Variants in SYNE1 observed in about 807,000 individuals in gnomAD.
The protein encoded by SYNE1 is nesprin-1.
SYNE1 carries 616 observed loss-of-function variants against 1,111.0 expected under a neutral mutation model. The ratio of observed to expected loss-of-function variants is 0.55; its 90% CI spans 0.52 to 0.59. The LOEUF is 0.59. Ranked by LOEUF, SYNE1 falls within the 20% of genes least tolerant of loss-of-function variation. SYNE1 has a pLI of 0.00. For synonymous variants in SYNE1, 3,855 were observed against 3,825.8 expected (o/e 1.01, Z -0.28); for missense variants, 10,006 against 10,417.0 (o/e 0.96, Z 1.72).
intron 54 of SYNE1, 46 bp downstream of exon 54, chr6:152,387,026 G>A (rs1317916707): frequency 6.8e-7 from 1 of 1,467,958 alleles, no homozygotes; most frequent in Non-Finnish European, 9.4e-7. Flanking sequence ...TCAATATATT[G>A]TATTAATGTA....
intron 3 of SYNE1, among the ~76,000 whole-genome samples, chr6:152,582,575 A>T (rs2099524030): frequency 6.6e-6 from 1 of 151,460 alleles, no homozygotes; most frequent in Admixed American, 6.6e-5. Flanking sequence ...TATATAAATA[A>T]ATATATATAT....
intron 56 of SYNE1, among the ~76,000 whole-genome samples, chr6:152,378,127 C>A (rs975382264): frequency 1.3e-5 from 2 of 152,144 alleles, no homozygotes; most frequent in Admixed American, 6.5e-5. Flanking sequence ...GTTCCTAGCA[C>A]ACTAAGTGTC....
intron 59 of SYNE1, among the ~76,000 whole-genome samples, chr6:152,371,280 T>C (rs2097175343): frequency 6.6e-6 from 1 of 151,936 alleles, no homozygotes; most frequent in African/African-American, 2.4e-5. Context: ...GCTGTTCTCA[T>C]GATAGTGAGT....
Position 152,395,561 on chromosome 6 carries a change from T to G in SYNE1, c.7667A>C (p.Glu2556Ala). ...SKQHIPEKKNEVHKVEMFLGE... is the reference protein window; with the variant it reads ...SKQHIPEKKNAVHKVEMFLGE... ...CAAAAACATTTCAACTTTATGAACT[T>G]CATTTTTCTTCTCAGGAATGTGCTG... The change falls in exon 51 of 146, where the codon GAA (glutamate) becomes GCA (alanine). Residue 2556 changes from glutamate to alanine, a missense_variant. Glu to Ala is a moderately radical substitution (Grantham distance 107). Coordinates refer to ENST00000367255, the MANE Select transcript of SYNE1 (RefSeq NM_182961.4). 6.2e-7 allele frequency: 1 copy of G among 1,614,132 alleles called. No homozygotes were observed. Among genetic ancestry groups the G allele is most frequent in the Non-Finnish European group, 8.5e-7 (1 of 1,179,984 alleles).
chr6:152,628,235 T>A, intron 3 of SYNE1, 30 bp downstream of exon 3: 1 of 1,613,346 alleles, frequency 6.2e-7, no homozygotes, highest in Non-Finnish European at 8.5e-7. Context: ...TATTTGAATT[T>A]TTTTAAAACC....
Position 152,369,575 on chromosome 6 carries a change from C to G in SYNE1, c.9547G>C (p.Glu3183Gln). 6.2e-7 allele frequency: 1 copy of G among 1,614,186 alleles called. No homozygotes were observed. The highest frequency in any genetic ancestry group is 8.5e-7 in the Non-Finnish European group (1 of 1,180,028). ...IQMKDFEVSA[E>Q]PIQDWLSKTE... ...TTACTCAGCCAGTCCTGGATAGGCT[C>G]AGCACTTACTTCAAAGTCCTTCATT... The change falls in exon 60 of 146, where the codon GAG becomes CAG. Residue 3183 changes from glutamate to glutamine, a missense_variant. This residue lies in a region of SYNE1 where 4,955 missense variants were observed against 5,017.2 expected (regional missense o/e 0.99). Coordinates refer to ENST00000367255, the MANE Select transcript of SYNE1 (RefSeq NM_182961.4).
At chr6:152,333,340 T>C (rs1360163854) in intron 77 of SYNE1, among the ~76,000 whole-genome samples, 1 of 152,184 alleles carries the variant, frequency 6.6e-6, no homozygotes, top group Non-Finnish European at 1.5e-5. Context: ...CATTACCTTA[T>C]AGACTTGATA....
chr6:152,547,511 C>G (rs112098660), intron 3 of SYNE1, among the ~76,000 whole-genome samples: 4 of 152,138 alleles, frequency 2.6e-5, no homozygotes, highest in Admixed American at 2.6e-4. Flanking sequence ...CTTCTTTTAG[C>G]TGAACATTAT....
chr6:152,136,952 G>A (rs2057227565), intron 140 of SYNE1, 134 bp from the exon 141 acceptor site: 3 of 892,374 alleles, frequency 3.4e-6, no homozygotes, highest in South Asian at 1.4e-5. Context: ...AAAAGACAGA[G>A]GGTGCGTACC....
chr6:152,534,262 T>G (rs957975632), intron 4 of SYNE1, among the ~76,000 whole-genome samples: 7 of 152,084 alleles, frequency 4.6e-5, no homozygotes, highest in African/African-American at 1.7e-4. Flanking sequence ...AATATTAATA[T>G]TAGCAAAATG....
At chr6:152,531,244 A>T (rs914419911) in intron 4 of SYNE1, among the ~76,000 whole-genome samples, 4 of 152,224 alleles carry the variant, frequency 2.6e-5, no homozygotes, top group Non-Finnish European at 5.9e-5. Flanking sequence ...GATCCATGGT[A>T]AGAATAAATC....
intron 109 of SYNE1, among the ~76,000 whole-genome samples, 195 bp from the exon 110 acceptor site, chr6:152,236,498 A>ATT (rs71784634): frequency 6.2e-4 from 92 of 149,390 alleles, no homozygotes; most frequent in Admixed American, 1.2e-3. Context: ...GTTGTTTATT[A>ATT]TTTTTTTTTT....
intron 39 of SYNE1, among the ~76,000 whole-genome samples, chr6:152,425,018 G>A (rs868564815): frequency 7.9e-5 from 12 of 152,258 alleles, no homozygotes; most frequent in Middle Eastern, 6.8e-3. Flanking sequence ...TAGCATATGT[G>A]TATAAAATGC....
intron 108 of SYNE1, among the ~76,000 whole-genome samples, chr6:152,237,893 T>A (rs994909216): frequency 6.6e-6 from 1 of 152,318 alleles, no homozygotes; most frequent in Admixed American, 6.5e-5. Context: ...AGTTTCTCAG[T>A]GTGAGTATGC....
intron 3 of SYNE1, among the ~76,000 whole-genome samples, chr6:152,614,307 C>A (rs1409409193): frequency 3.9e-5 from 6 of 152,078 alleles, no homozygotes; most frequent in Non-Finnish European, 8.8e-5. Context: ...ACAACCCCAT[C>A]AAAAAGTGGG....
intron 123 of SYNE1, 72 bp from the exon 124 acceptor site, chr6:152,211,660 C>T: frequency 1.5e-6 from 2 of 1,346,076 alleles, no homozygotes; most frequent in Non-Finnish European, 2.1e-6. Context: ...GATAACTTTC[C>T]AAATATTCTA....
chr6:152,442,789 T>A (rs1039364323), intron 30 of SYNE1, among the ~76,000 whole-genome samples: 9 of 151,982 alleles, frequency 5.9e-5, no homozygotes, highest in African/African-American at 1.4e-4. Flanking sequence ...TACAAAAATA[T>A]TAAAAAATTA....
intron 128 of SYNE1, chr6:152,185,545 A>G (rs2069604093): frequency 6.6e-6 from 1 of 152,236 alleles, no homozygotes; most frequent in Non-Finnish European, 1.5e-5. Context: ...GATCAAACCC[A>G]TGACTAAACT....
chr6:152,618,866 AG>A (rs1565227277), intron 3 of SYNE1, among the ~76,000 whole-genome samples: 2 of 152,208 alleles, frequency 1.3e-5, no homozygotes, highest in African/African-American at 4.8e-5. Context: ...GTCTATCCTC[AG>A]CATTATGGGA....
Sources: gnomAD v4.1 joint callset for allele counts (sites outside exome capture counted in the v4.1 genomes callset) on GRCh38, gnomAD v4.1.1 for gene constraint, gnomAD v4.1.1 regional missense constraint, MANE v1.5 for transcripts, NCBI Gene and HGNC (gene_info 2026-07-23, HGNC 2026-07-21) for gene names.